PRORP: variants seen among roughly 807,000 people sequenced by gnomAD.
PRORP encodes the protein protein only RNase P catalytic subunit.
PRORP carries 51 observed loss-of-function variants against 59.4 expected under a neutral mutation model. That is an observed-to-expected ratio of 0.86 (90% CI 0.69 to 1.08). The LOEUF is 1.08. Ranked by LOEUF, PRORP falls within the 50% of genes least tolerant of loss-of-function variation. The pLI, the probability that PRORP is intolerant of heterozygous loss-of-function variation, is 0.00. For missense variants in PRORP, 646 were observed against 690.3 expected, an observed-to-expected ratio of 0.94 and a Z score of 0.72; for synonymous variants, 231 against 245.6, an observed-to-expected ratio of 0.94 and a Z score of 0.55.
At chr14:35,198,904 C>T (rs1278385200) in intron 5 of PRORP, among the ~76,000 whole-genome samples, 1 of 152,142 alleles carries the variant, frequency 6.6e-6, no homozygotes, top group Non-Finnish European at 1.5e-5. Flanking sequence ...TGGTGGCTTA[C>T]GCCTGTAATC....
intron 4 of PRORP, among the ~76,000 whole-genome samples, chr14:35,147,990 T>A (rs1425416818): frequency 2.6e-5 from 4 of 152,256 alleles, no homozygotes; most frequent in Non-Finnish European, 4.4e-5. Context: ...CCACTTCTAA[T>A]TCTAGTTCTC....
intron 4 of PRORP, among the ~76,000 whole-genome samples, chr14:35,137,573 C>A (rs966417247): frequency 6.9e-6 from 1 of 144,902 alleles, no homozygotes; most frequent in Non-Finnish European, 1.5e-5. Flanking sequence ...TGTCAAGATG[C>A]TAACTCAAGG....
intron 5 of PRORP, among the ~76,000 whole-genome samples, chr14:35,192,018 G>A (rs2048895513): frequency 6.6e-6 from 1 of 152,040 alleles, no homozygotes; most frequent in South Asian, 2.1e-4. Context: ...CTCCTAAGTG[G>A]TCTCCTTGCT....
chr14:35,267,246 C>CA (rs771704286), intron 6 of PRORP, among the ~76,000 whole-genome samples: 2 of 152,126 alleles, frequency 1.3e-5, no homozygotes, highest in East Asian at 3.9e-4. Context: ...GTGAAAAAGA[C>CA]AAAGTCCCTG....
chr14:35,214,808 G>A (rs542829061), intron 5 of PRORP, among the ~76,000 whole-genome samples: 1 of 152,282 alleles, frequency 6.6e-6, no homozygotes, highest in South Asian at 2.1e-4. Context: ...TTGGGTGGCT[G>A]AGGCAAGAGA....
At chr14:35,203,021 A>G (rs951731619) in intron 5 of PRORP, among the ~76,000 whole-genome samples, 6 of 152,158 alleles carry the variant, frequency 3.9e-5, no homozygotes, top group African/African-American at 1.4e-4. Context: ...GATATTATGT[A>G]TTTGTGTAGT....
rs772794855 is a variant in PRORP at position 35,273,887 on chromosome 14, A to G, written c.*321A>G. The G allele has an allele frequency of 5.4e-6, 1 of 186,478 alleles. No homozygotes were observed. Among genetic ancestry groups the G allele is most frequent in the South Asian group, 1.2e-4 (1 of 8,490 alleles). 11.6% of individuals were successfully genotyped at this position (186,478 alleles called of 1,614,324 possible). On this transcript the variant is annotated 3_prime_UTR_variant, in exon 8 of 8. Transcript: ENST00000534898. ...GTGCTTTTGGTATCCATTTTTTGCT[A>G]CTTCTGACCTTGCCTTCCAGGCCTA...
chr14:35,238,809 A>T (rs552575933), intron 5 of PRORP, among the ~76,000 whole-genome samples: 1 of 152,348 alleles, frequency 6.6e-6, no homozygotes, highest in South Asian at 2.1e-4. Context: ...GTGCTTAAGC[A>T]GTCCTATGAA....
intron 4 of PRORP, chr14:35,158,332 A>G (rs1162083828): frequency 3.5e-6 from 1 of 284,734 alleles, no homozygotes; most frequent in African/African-American, 2.2e-5. Flanking sequence ...ATTTCTTAGA[A>G]TTGTAAAAAC....
intron 4 of PRORP, among the ~76,000 whole-genome samples, chr14:35,138,509 A>C (rs1012355228): frequency 6.9e-6 from 1 of 145,536 alleles, no homozygotes; most frequent in Non-Finnish European, 1.5e-5. Flanking sequence ...ATTTGAGAAT[A>C]TGAGGTATAA....
chr14:35,209,793 C>G (rs1001534810), intron 5 of PRORP, among the ~76,000 whole-genome samples: 2 of 152,182 alleles, frequency 1.3e-5, no homozygotes, highest in African/African-American at 4.8e-5. Context: ...TCCTCGGCCT[C>G]CCAAAGTGCT....
intron 5 of PRORP, among the ~76,000 whole-genome samples, chr14:35,211,421 A>G (rs1166452840): frequency 6.6e-6 from 1 of 152,138 alleles, no homozygotes; most frequent in African/African-American, 2.4e-5. Flanking sequence ...ATGGCTGCTC[A>G]GTAAATATTT....
chr14:35,265,803 C>T (rs920133555), intron 5 of PRORP, among the ~76,000 whole-genome samples: 1 of 152,044 alleles, frequency 6.6e-6, no homozygotes, highest in Non-Finnish European at 1.5e-5. Flanking sequence ...CAAGGTTTGA[C>T]ATGTATAGGA....
rs921687053 is a variant in PRORP, at chr14:35,165,015, C to T, written c.1168-15655C>T. The stretch of plus-strand genomic sequence containing the variant: ...GGAAGGGCAGCAGTCTTGATTGGCA[C>T]GCCTTGCTTAAGAATACAGGCCACA... On this transcript the variant is annotated intron_variant, in intron 4 of 7. Transcript: ENST00000534898. Among the ~76,000 whole-genome samples, 110 of 152,166 alleles carry T rather than the reference C, an allele frequency of 7.2e-4. 1 individual carries two copies. Among genetic ancestry groups the T allele is most frequent in the Non-Finnish European group, 3.8e-4 (26 of 68,028 alleles).
intron 5 of PRORP, among the ~76,000 whole-genome samples, chr14:35,263,792 A>G (rs1437594265): frequency 6.6e-6 from 1 of 152,208 alleles, no homozygotes; most frequent in Non-Finnish European, 1.5e-5. Context: ...ACACATAGAG[A>G]GGTCTAGGAA....
intron 5 of PRORP, among the ~76,000 whole-genome samples, chr14:35,259,984 GT>G (rs2050858461): frequency 2.3e-5 from 3 of 128,496 alleles, no homozygotes; most frequent in South Asian, 5.0e-4. Flanking sequence ...TGTTTTGGAG[GT>G]TTTTCGGGTT....
At chr14:35,257,483 C>T in intron 5 of PRORP, among the ~76,000 whole-genome samples, 1 of 152,126 alleles carries the variant, frequency 6.6e-6, no homozygotes, top group East Asian at 1.9e-4. Flanking sequence ...GCTTTTTTCA[C>T]TTAGTTTTCA....
At chr14:35,128,699 T>C (rs2047158839) in intron 4 of PRORP, among the ~76,000 whole-genome samples, 1 of 152,194 alleles carries the variant, frequency 6.6e-6, no homozygotes, top group Non-Finnish European at 1.5e-5. Context: ...TTTTCATCTC[T>C]GATTTTATTT....
intron 5 of PRORP, among the ~76,000 whole-genome samples, chr14:35,266,013 CAAAAA>C (rs35304125): frequency 8.5e-6 from 1 of 117,116 alleles, no homozygotes. Flanking sequence ...CCATCTCTAC[CAAAAA>C]AAAAAAAAAA....
Sources: allele counts gnomAD v4.1 joint callset (sites outside exome capture counted in the v4.1 genomes callset), GRCh38; gene constraint gnomAD v4.1.1; transcripts MANE v1.5; gene names NCBI Gene and HGNC (gene_info 2026-07-23, HGNC 2026-07-21).